The following PRDM11 variants were observed in gnomAD, a reference collection of about 807,000 sequenced individuals.
The protein encoded by PRDM11 is PR domain-containing protein 11.
A neutral mutation model predicts 97.8 loss-of-function variants in PRDM11; 20 were observed. The ratio of observed to expected loss-of-function variants is 0.20; its 90% CI spans 0.14 to 0.30. PRDM11 has a LOEUF of 0.30. Ranked by LOEUF, PRDM11 falls within the 10% of genes least tolerant of loss-of-function variation. PRDM11 has a pLI of 1.00. For synonymous variants in PRDM11, 599 were observed against 637.7 expected (o/e 0.94, Z 0.91); for missense variants, 1,139 against 1,555.2 (o/e 0.73, Z 4.50).
At position 45,224,577 on chromosome 11, in the gene PRDM11, C is replaced by G; in HGVS notation, c.1103C>G (p.Pro368Arg). Residue 368 changes from proline to arginine, a missense_variant, in exon 7 of 8, where the codon CCC (proline) becomes CGC (arginine). Transcript: ENST00000683152. ...QTQGEGDWKV[P>R]QGVSKEPGQL... is the part of the protein sequence containing the mutation. Reference sequence around the variant, plus strand: ...CAGGGGGAGGGGGACTGGAAGGTCCCCCAGGGGGTCTCCAAGGAGCCAGGC... The same window carrying G: ...CAGGGGGAGGGGGACTGGAAGGTCCGCCAGGGGGTCTCCAAGGAGCCAGGC... The G allele has an allele frequency of 6.2e-7, 1 of 1,614,028 alleles. No individual in the cohort carries two copies. The highest frequency in any genetic ancestry group is 8.5e-7 in the Non-Finnish European group (1 of 1,180,018).
intron 5 of PRDM11, chr11:45,216,157 C>T (rs1853949587): frequency 6.6e-6 from 1 of 152,620 alleles, no homozygotes; most frequent in African/African-American, 2.4e-5. Flanking sequence ...CCACCGCCAT[C>T]AGCAGCACCA....
At chr11:45,199,554 CA>C (rs957184608) in intron 4 of PRDM11, among the ~76,000 whole-genome samples, 1 of 152,220 alleles carries the variant, frequency 6.6e-6, no homozygotes, top group Non-Finnish European at 1.5e-5. Context: ...TCCGGGTTAT[CA>C]AAGGCCTTGT....
At chr11:45,220,102 A>G (rs1854076592) in intron 6 of PRDM11, among the ~76,000 whole-genome samples, 1 of 152,236 alleles carries the variant, frequency 6.6e-6, no homozygotes, top group Non-Finnish European at 1.5e-5. Flanking sequence ...CCACTGCCTC[A>G]ATAATGATCG....
intron 1 of PRDM11, among the ~76,000 whole-genome samples, chr11:45,167,560 A>G (rs915678506): frequency 1.3e-5 from 2 of 152,200 alleles, no homozygotes; most frequent in East Asian, 3.9e-4. Flanking sequence ...GCCATAAACA[A>G]CTAAGTTTCC....
intron 1 of PRDM11, among the ~76,000 whole-genome samples, chr11:45,102,366 T>C (rs1472170541): frequency 6.6e-6 from 1 of 152,220 alleles, no homozygotes; most frequent in Non-Finnish European, 1.5e-5. Flanking sequence ...AGGCTCTTCC[T>C]GTCTTAGTTT....
intron 1 of PRDM11, among the ~76,000 whole-genome samples, chr11:45,116,920 C>T (rs893057136): frequency 4.6e-5 from 7 of 152,114 alleles, no homozygotes; most frequent in Non-Finnish European, 8.8e-5. Flanking sequence ...GAACAGGAGT[C>T]CACTTAAAGA....
chr11:45,122,219 A>ACC (rs1241574694), intron 1 of PRDM11, among the ~76,000 whole-genome samples: 1 of 132,746 alleles, frequency 7.5e-6, no homozygotes, highest in South Asian at 2.6e-4. Context: ...ACACACACAC[A>ACC]CACACACACA....
rs1214397728 is a variant in PRDM11 at position 45,226,564 on chromosome 11, G to A, written c.1939G>A (p.Asp647Asn). The change falls in exon 8 of 8, where the codon GAC becomes AAC. Residue 647 changes from aspartate (D) to asparagine (N), a missense_variant. Asp to Asn is a conservative substitution (Grantham distance 23). Around this residue, in one of 2 missense-constraint regions of PRDM11, gnomAD observed 710 missense variants for 1,044.9 expected, o/e 0.68. Coordinates refer to ENST00000683152, the MANE Select transcript of PRDM11 (RefSeq NM_001384648.1). Reference protein sequence around the residue: ...IHHIARALREDLVERIRQSPC... With the variant: ...IHHIARALRENLVERIRQSPC... The stretch of plus-strand genomic sequence containing the variant: ...TCACATCGCCCGGGCCCTGCGGGAA[G>A]ACCTGGTGGAGCGCATCCGCCAGTC... 2 of 1,533,918 alleles carry A rather than the reference G, an allele frequency of 1.3e-6. No homozygotes were observed. The highest frequency in any genetic ancestry group is 1.4e-5 in the African/African-American group (1 of 73,082).
At chr11:45,143,971 T>A (rs73464582), upstream of PRDM11, among the ~76,000 whole-genome samples, 1,894 of 152,264 alleles carry the variant, frequency 0.012, 34 homozygotes, top group African/African-American at 0.043. Context: ...ACGTGCTTTG[T>A]CTAGACTGCT....
At chr11:45,097,309 G>A (rs933170600) in intron 1 of PRDM11, among the ~76,000 whole-genome samples, 1 of 152,190 alleles carries the variant, frequency 6.6e-6, no homozygotes, top group African/African-American at 2.4e-5. Flanking sequence ...GAAGGCACTG[G>A]ACTAGGTTCC....
chr11:45,203,464 G>A (rs1450218683), intron 4 of PRDM11, among the ~76,000 whole-genome samples: 1 of 151,518 alleles, frequency 6.6e-6, no homozygotes, highest in African/African-American at 2.4e-5. Flanking sequence ...AAAAACCTCA[G>A]TAGATGGGAG....
At chr11:45,144,139 GC>G (rs1851459856), upstream of PRDM11, among the ~76,000 whole-genome samples, 2 of 152,178 alleles carry the variant, frequency 1.3e-5, no homozygotes, top group Non-Finnish European at 2.9e-5. Flanking sequence ...TCCTTCCTGT[GC>G]CTTGGCCTTG....
Position 45,226,999 on chromosome 11 carries a change from C to T in PRDM11, c.2374C>T (p.Leu792=). The T allele has an allele frequency of 2.0e-6, 3 of 1,533,966 alleles. No homozygotes were observed. The highest frequency in any genetic ancestry group is 8.7e-7 in the Non-Finnish European group (1 of 1,146,734). ...EELENNLKQL[L]SFYRYSPRLM... ...GCTGGAGAACAACCTGAAGCAGCTG[C>T]TGAGCTTCTACCGCTACTCACCGCG... is the stretch of plus-strand genomic sequence containing the variant. The change falls in exon 8 of 8, where the codon CTG becomes TTG. Residue 792 remains leucine, a synonymous_variant. Transcript: ENST00000683152.
chr11:45,181,828 C>A lies in PRDM11; in HGVS notation c.62C>A (p.Thr21Lys), dbSNP rs376740929. Residue 21 changes from threonine to lysine, a missense_variant, in exon 2 of 8, where the codon ACG becomes AAG. By Grantham distance (78) the Thr-to-Lys change is moderately conservative. Coordinates refer to ENST00000683152, the MANE Select transcript of PRDM11 (RefSeq NM_001384648.1). ...AATGCAGCCGTGGGGGATATGGTGACGGTGGTGAAGACGGAGGTCTGCTCA... is the reference window on the plus strand; with the variant it reads ...AATGCAGCCGTGGGGGATATGGTGAAGGTGGTGAAGACGGAGGTCTGCTCA... ...QTNAAVGDMV[T>K]VVKTEVCSPL... 6.2e-7 allele frequency: 1 copy of A among 1,613,358 alleles called. No individual in the cohort carries two copies. The highest frequency in any genetic ancestry group is 1.3e-5 in the African/African-American group (1 of 74,882).
chr11:45,123,461 G>GT (rs201441316), intron 1 of PRDM11, among the ~76,000 whole-genome samples: 2 of 149,510 alleles, frequency 1.3e-5, no homozygotes, highest in African/African-American at 2.4e-5. Context: ...TTCTTCTAGG[G>GT]TTTTTTATGG....
At chr11:45,101,567 A>AAGAAGAAGAAGAAGAAGAAG (rs1554963215) in intron 1 of PRDM11, among the ~76,000 whole-genome samples, 2 of 96,834 alleles carry the variant, frequency 2.1e-5, no homozygotes, top group African/African-American at 9.8e-5. Flanking sequence ...AAAAAAAAAA[A>AAGAAGAAGAAGAAGAAGAAG]AAGAAGAAGA....
intron 1 of PRDM11, among the ~76,000 whole-genome samples, chr11:45,128,005 G>C (rs539092529): frequency 1.3e-5 from 2 of 152,332 alleles, no homozygotes; most frequent in Non-Finnish European, 2.9e-5. Context: ...CACCCACTTC[G>C]AGCTTCCTGG....
chr11:45,148,602 G>C (rs529179661), intron 1 of PRDM11, among the ~76,000 whole-genome samples: 1 of 152,246 alleles, frequency 6.6e-6, no homozygotes, highest in Non-Finnish European at 1.5e-5. Flanking sequence ...GTTGTCCTAG[G>C]AGTCCTAGAT....
intron 1 of PRDM11, among the ~76,000 whole-genome samples, chr11:45,168,456 G>A (rs1852121806): frequency 6.6e-6 from 1 of 152,220 alleles, no homozygotes; most frequent in Non-Finnish European, 1.5e-5. Context: ...ATGTTCAGAA[G>A]GGTAGGGGCT....
Sources: allele counts gnomAD v4.1 joint callset (sites outside exome capture counted in the v4.1 genomes callset), GRCh38; gene constraint gnomAD v4.1.1; regional missense constraint gnomAD v4.1.1; transcripts MANE v1.5; gene names NCBI Gene and HGNC (gene_info 2026-07-23, HGNC 2026-07-21).